ITGA1: variants seen among roughly 807,000 people sequenced by gnomAD.
ITGA1 encodes the protein integrin alpha-1.
ITGA1 carries 85 observed loss-of-function variants against 145.9 expected under a neutral mutation model. That is an observed-to-expected ratio of 0.58 (90% CI 0.49 to 0.70). ITGA1 has a LOEUF of 0.70. Ranked by LOEUF, ITGA1 falls within the 30% of genes least tolerant of loss-of-function variation. The pLI is 0.00. For synonymous variants in ITGA1, 520 were observed against 495.3 expected, an observed-to-expected ratio of 1.05 and a Z score of -0.66; for missense variants, 1,351 against 1,418.7, an observed-to-expected ratio of 0.95 and a Z score of 0.77.
intron 1 of ITGA1, among the ~76,000 whole-genome samples, chr5:52,807,569 A>T (rs900143386): frequency 1.3e-5 from 2 of 152,228 alleles, no homozygotes; most frequent in African/African-American, 2.4e-5. Context: ...TCTAAAAATA[A>T]AAATAAATTA....
intron 18 of ITGA1, among the ~76,000 whole-genome samples, chr5:52,924,944 G>A (rs995763085): frequency 2.0e-5 from 3 of 152,196 alleles, no homozygotes; most frequent in Non-Finnish European, 4.4e-5. Context: ...AAAATCTCAT[G>A]ATTAGAGTTG....
chr5:52,891,602 C>T (rs371661857), intron 8 of ITGA1, among the ~76,000 whole-genome samples: 2 of 147,074 alleles, frequency 1.4e-5, no homozygotes, highest in African/African-American at 5.0e-5. Flanking sequence ...TCAGGTAACA[C>T]TTGCAACTAT....
At chr5:52,910,468 C>G (rs760891225) in intron 14 of ITGA1, 49 bp downstream of exon 14, 9 of 1,569,590 alleles carry the variant, frequency 5.7e-6, no homozygotes, top group Admixed American at 1.7e-5. Context: ...TAAGTCGGTT[C>G]AATGCCAGGC....
intron 3 of ITGA1, among the ~76,000 whole-genome samples, chr5:52,862,466 G>A (rs1046318854): frequency 6.6e-6 from 1 of 151,806 alleles, no homozygotes; most frequent in South Asian, 2.1e-4. Flanking sequence ...AGTCATCAAG[G>A]AGCATACATA....
intron 10 of ITGA1, among the ~76,000 whole-genome samples, chr5:52,897,845 C>G (rs1750252584): frequency 3.3e-3 from 1 of 300 alleles, no homozygotes; most frequent in Non-Finnish European, 8.3e-3. Context: ...GAATATTTTT[C>G]CACAGGTCAA....
At chr5:52,865,594 A>G (rs1749674842) in intron 5 of ITGA1, 96 bp from the exon 6 acceptor site, 1 of 1,003,270 alleles carries the variant, frequency 1.0e-6, no homozygotes, top group Non-Finnish European at 1.4e-6. Flanking sequence ...ACATCAGTTC[A>G]TCTTTTAAAA....
chr5:52,812,869 G>T (rs1748705087), intron 1 of ITGA1, among the ~76,000 whole-genome samples: 1 of 122,966 alleles, frequency 8.1e-6, no homozygotes, highest in South Asian at 2.8e-4. Flanking sequence ...TGATGCAGAA[G>T]ATCTGCCTCA....
At chr5:52,800,189 C>T in intron 1 of ITGA1, 2 of 592,614 alleles carry the variant, frequency 3.4e-6, no homozygotes, top group South Asian at 2.0e-5. Flanking sequence ...ACGCAGCGCG[C>T]CGGGAGACTG....
intron 1 of ITGA1, chr5:52,801,491 A>C (rs774215540): frequency 6.2e-7 from 1 of 1,614,040 alleles, no homozygotes; most frequent in South Asian, 1.1e-5. Flanking sequence ...TCAGACACTA[A>C]AGCTGCTGGG....
At chr5:52,891,042 T>C (rs1487158020) in intron 8 of ITGA1, among the ~76,000 whole-genome samples, 1 of 152,170 alleles carries the variant, frequency 6.6e-6, no homozygotes, top group Non-Finnish European at 1.5e-5. Flanking sequence ...TCCATGTTGC[T>C]GGAAATGACA....
At chr5:52,916,986 A>G (rs1038134597) in intron 15 of ITGA1, among the ~76,000 whole-genome samples, 2 of 152,202 alleles carry the variant, frequency 1.3e-5, no homozygotes, top group Non-Finnish European at 2.9e-5. Context: ...TTTCCCTATC[A>G]TAGTCCAGGC....
intron 26 of ITGA1, 144 bp downstream of exon 26, chr5:52,940,088 A>C (rs1435416587): frequency 3.1e-6 from 2 of 643,022 alleles, no homozygotes; most frequent in Non-Finnish European, 5.6e-6. Flanking sequence ...CCCCAGCTCT[A>C]CTTAACCAGC....
At chr5:52,910,093 A>T in intron 13 of ITGA1, 69 bp from the exon 14 acceptor site, 1 of 1,425,654 alleles carries the variant, frequency 7.0e-7, no homozygotes, top group Non-Finnish European at 9.6e-7. Flanking sequence ...GATTTAGTAT[A>T]CTTTAAAAAT....
intron 9 of ITGA1, among the ~76,000 whole-genome samples, chr5:52,895,640 A>G (rs946350067): frequency 1.3e-5 from 2 of 152,142 alleles, no homozygotes; most frequent in Admixed American, 6.6e-5. Context: ...CACTTCAGCT[A>G]GGGGAGGGGG....
chr5:52,925,423 A>G lies in ITGA1; in HGVS notation c.2549A>G (p.Asp850Gly). The change falls in exon 19 of 29, where the codon GAC (aspartate) becomes GGC (glycine). Residue 850 changes from aspartate (D) to glycine (G), a missense_variant. Coordinates refer to ENST00000282588, the MANE Select transcript of ITGA1 (RefSeq NM_181501.2). ...NVSLTVKNTK[D>G]SAYNTRTIVH... is the part of the protein sequence containing the mutation. The stretch of plus-strand genomic sequence containing the variant: ...AGCCTCACAGTCAAAAATACAAAGG[A>G]CAGTGCCTATAACACCAGGACAATA... 6.2e-7 allele frequency: 1 copy of G among 1,614,130 alleles called. No homozygotes were observed. Among genetic ancestry groups the G allele is most frequent in the Non-Finnish European group, 8.5e-7 (1 of 1,179,962 alleles).
At chr5:52,943,047 A>G (rs1036526552) in intron 26 of ITGA1, among the ~76,000 whole-genome samples, 4 of 152,042 alleles carry the variant, frequency 2.6e-5, no homozygotes, top group African/African-American at 9.7e-5. Flanking sequence ...TTCTATTCCT[A>G]TTTGGATGTC....
intron 1 of ITGA1, among the ~76,000 whole-genome samples, chr5:52,817,488 T>C (rs541124847): frequency 6.6e-5 from 10 of 152,304 alleles, no homozygotes; most frequent in African/African-American, 2.4e-4. Flanking sequence ...TTTAAGGAAA[T>C]GTAAAAATAA....
chr5:52,878,681 A>T (rs1371862646), intron 6 of ITGA1, among the ~76,000 whole-genome samples: 4 of 152,208 alleles, frequency 2.6e-5, no homozygotes, highest in Non-Finnish European at 5.9e-5. Context: ...ACGTGGACTC[A>T]TTAGTAAAAA....
intron 1 of ITGA1, among the ~76,000 whole-genome samples, chr5:52,814,796 A>C (rs1748739840): frequency 6.6e-6 from 1 of 152,154 alleles, no homozygotes; most frequent in South Asian, 2.1e-4. Context: ...TCATTTAAAT[A>C]CTACAAGTTT....
Sources: gnomAD v4.1 joint callset for allele counts (sites outside exome capture counted in the v4.1 genomes callset) on GRCh38, gnomAD v4.1.1 for gene constraint, MANE v1.5 for transcripts, NCBI Gene and HGNC (gene_info 2026-07-23, HGNC 2026-07-21) for gene names.